FRMD6: variants seen among roughly 807,000 people sequenced by gnomAD.
FRMD6 encodes FERM domain-containing protein 6.
In FRMD6, 37 loss-of-function variants were observed where a neutral mutation model predicts 73.2. The ratio of observed to expected loss-of-function variants is 0.51; its 90% confidence interval spans 0.39 to 0.66. The LOEUF (loss-of-function observed/expected upper bound fraction) is 0.66, where lower values mean the gene tolerates loss of function less well. Among genes scored for constraint, FRMD6 ranks in the 30% least tolerant of loss-of-function variants. The pLI is 0.00. For synonymous variants in FRMD6, 273 were observed against 282.2 expected, an observed-to-expected ratio of 0.97 and a Z score of 0.33; for missense variants, 714 against 780.5, an observed-to-expected ratio of 0.91 and a Z score of 1.02.
intron 1 of FRMD6, among the ~76,000 whole-genome samples, chr14:51,540,263 A>G (rs1372127487): frequency 6.6e-6 from 1 of 152,138 alleles, no homozygotes; most frequent in East Asian, 1.9e-4. Context: ...TTTCTGCCCT[A>G]TTCTTGGAAT....
the FRMD6 span, among the ~76,000 whole-genome samples, chr14:51,469,199 A>G: frequency 6.6e-6 from 1 of 151,530 alleles, no homozygotes; most frequent in Admixed American, 6.6e-5. Context: ...TAGGCCTCCC[A>G]AAGTGCTGGG....
At chr14:51,506,656 G>A (rs942645754) in intron 1 of FRMD6, among the ~76,000 whole-genome samples, 65 of 152,106 alleles carry the variant, frequency 4.3e-4, no homozygotes, top group African/African-American at 1.5e-3. Flanking sequence ...AAGATGACAG[G>A]ATTTGACCCA....
chr14:51,660,373 C>T lies in FRMD6; in HGVS notation c.-147+8377C>T, dbSNP rs75363287. The stretch of plus-strand genomic sequence containing the variant: ...AGGATGTTCCCAGCCTTCCTGGGGC[C>T]ACTGGATTTATACTGGTTAGTGAAG... On this transcript the variant is annotated intron_variant, in intron 1 of 13. Transcript: ENST00000344768. 3.9e-5 allele frequency among the ~76,000 whole-genome samples: 6 copies of T among 152,144 alleles called. No individual in the cohort carries two copies. The East Asian group carries it at 9.6e-4, about 24-fold the overall frequency.
intron 13 of FRMD6, 129 bp from the exon 14 acceptor site, chr14:51,727,616 C>T: frequency 2.4e-6 from 2 of 835,290 alleles, no homozygotes; most frequent in Non-Finnish European, 3.7e-6. Flanking sequence ...CCAGAAACCA[C>T]AGATTGGAAA....
chr14:51,707,744 C>T (rs1041031562), intron 6 of FRMD6, among the ~76,000 whole-genome samples: 1 of 152,026 alleles, frequency 6.6e-6, no homozygotes, highest in Non-Finnish European at 1.5e-5. Context: ...TATAAACTTG[C>T]AAGTATAAAC....
At chr14:51,468,152 A>T in the FRMD6 span, among the ~76,000 whole-genome samples, 1 of 152,064 alleles carries the variant, frequency 6.6e-6, no homozygotes, top group African/African-American at 2.4e-5. Flanking sequence ...CCAGTCAGGC[A>T]TGGCGGCGCG....
chr14:51,703,472 A>AT (rs934242354), intron 5 of FRMD6, among the ~76,000 whole-genome samples: 7 of 152,022 alleles, frequency 4.6e-5, no homozygotes, highest in African/African-American at 1.4e-4. Context: ...GCCCATAAGG[A>AT]TTTTTTTTAA....
rs143710280 is a variant in FRMD6 at position 51,633,621 on chromosome 14, A to AAAAAAAAAAAAAAAAAAAAAAAAAAG, written c.-146-56070_-146-56069insAAAAAAAAAAAAAAAAAAAAAAAAAG. On this transcript the variant is annotated intron_variant, in intron 2 of 14. Coordinates refer to the FRMD6 transcript ENST00000356218. The stretch of plus-strand genomic sequence containing the variant: ...GTCAAAAAAAAAAAAAAAAAAAAAA[A>AAAAAAAAAAAAAAAAAAAAAAAAAAG]GAAATAATTATATGTCATAGTTTAA... 3.0e-5 allele frequency among the ~76,000 whole-genome samples: 3 copies of AAAAAAAAAAAAAAAAAAAAAAAAAAG among 99,368 alleles called. 1 individual carries two copies. The highest frequency in any genetic ancestry group is 5.8e-5 in the Non-Finnish European group (3 of 51,694). The allele number at this position is 99,368 out of a possible 152,430, so 65.2% of individuals were successfully genotyped here.
the FRMD6 span, among the ~76,000 whole-genome samples, chr14:51,440,059 G>T: frequency 6.6e-6 from 1 of 152,140 alleles, no homozygotes; most frequent in African/African-American, 2.4e-5. Context: ...GAATTCAGCA[G>T]GAAAACAAAC....
At chr14:51,467,887 A>G in the FRMD6 span, among the ~76,000 whole-genome samples, 10 of 151,900 alleles carry the variant, frequency 6.6e-5, no homozygotes, top group Admixed American at 1.3e-4. Flanking sequence ...CTTAGACGGG[A>G]TGGCGGCCGG....
rs536956327 is a variant in FRMD6 at position 51,666,910 on chromosome 14, G to A, written c.-147+14914G>A. Among the ~76,000 whole-genome samples, 8 of 152,294 alleles carry A rather than the reference G, an allele frequency of 5.3e-5. No individual in the cohort carries two copies. The South Asian group carries it at 6.2e-4, about 12-fold the overall frequency. ...AACACCTCAGGAGGCTGAGGCAAGC[G>A]CTTTGCTGGAGCCCCGAAGTTTGAG... On this transcript the variant is annotated intron_variant, in intron 1 of 13. Transcript: ENST00000344768.
chr14:51,442,038 G>A, the FRMD6 span, among the ~76,000 whole-genome samples: 25 of 152,260 alleles, frequency 1.6e-4, 1 homozygote, highest in East Asian at 4.6e-3. Flanking sequence ...TCAAAACTTC[G>A]TACCATCAGA....
chr14:51,569,469 T>G (rs1887976805), intron 1 of FRMD6, among the ~76,000 whole-genome samples: 1 of 152,142 alleles, frequency 6.6e-6, no homozygotes, highest in South Asian at 2.1e-4. Flanking sequence ...ATTGTCACTT[T>G]CTATTTAATA....
chr14:51,665,274 A>G (rs1230410787), intron 1 of FRMD6, among the ~76,000 whole-genome samples: 2 of 152,182 alleles, frequency 1.3e-5, no homozygotes, highest in Admixed American at 6.5e-5. Flanking sequence ...AGTCTCCCAC[A>G]GTCCCTGGCA....
the FRMD6 span, among the ~76,000 whole-genome samples, chr14:51,403,341 T>G: frequency 6.6e-6 from 1 of 152,222 alleles, no homozygotes; most frequent in Admixed American, 6.5e-5. Context: ...TTGTTTAGTT[T>G]TACCTGTATT....
intron 4 of FRMD6, 29 bp from the exon 5 acceptor site, chr14:51,702,483 T>C (rs781568737): frequency 6.3e-7 from 1 of 1,589,640 alleles, no homozygotes; most frequent in East Asian, 2.2e-5. Flanking sequence ...TAGAAATAGC[T>C]TGATTTTTGT....
chr14:51,585,620 T>C (rs1888981480), intron 2 of FRMD6, among the ~76,000 whole-genome samples: 1 of 152,058 alleles, frequency 6.6e-6, no homozygotes, highest in Admixed American at 6.6e-5. Context: ...TCCTCATCTA[T>C]AAGATAGGAA....
chr14:51,468,039 G>A, the FRMD6 span, among the ~76,000 whole-genome samples: 4 of 152,086 alleles, frequency 2.6e-5, no homozygotes, highest in South Asian at 2.1e-4. Flanking sequence ...CTGCAATCCC[G>A]GCACCTCGGG....
chr14:51,540,497 T>A (rs1288549542), intron 1 of FRMD6, among the ~76,000 whole-genome samples: 1 of 152,114 alleles, frequency 6.6e-6, no homozygotes, highest in Admixed American at 6.6e-5. Flanking sequence ...TGTCTTTGGG[T>A]CTTCATTGGC....
Sources: gnomAD v4.1 joint callset for allele counts (sites outside exome capture counted in the v4.1 genomes callset) on GRCh38, gnomAD v4.1.1 for gene constraint, MANE v1.5 for transcripts, NCBI Gene and HGNC (gene_info 2026-07-23, HGNC 2026-07-21) for gene names.